C1orf185: variants seen among roughly 807,000 people sequenced by gnomAD.
C1orf185 encodes the protein uncharacterized protein C1orf185.
C1orf185 carries 13 observed loss-of-function variants against 16.1 expected under a neutral mutation model. The observed-to-expected ratio is 0.81, with a 90% confidence interval of 0.53 to 1.28. The LOEUF is 1.28. Among genes scored for constraint, C1orf185 ranks in the 50% most tolerant of loss-of-function variants. C1orf185 has a pLI of 0.00. For missense variants in C1orf185, 220 were observed against 225.2 expected (o/e 0.98, Z 0.15); for synonymous variants, 80 against 76.9 (o/e 1.04, Z -0.21).
At chr1:51,118,280 T>G (rs1440131633) in intron 2 of C1orf185, among the ~76,000 whole-genome samples, 1 of 152,254 alleles carries the variant, frequency 6.6e-6, no homozygotes, top group Non-Finnish European at 1.5e-5. Context: ...TTGCATTTTA[T>G]TTAATTTCCT....
At chr1:51,149,253 T>G (rs1406189506), downstream of C1orf185, among the ~76,000 whole-genome samples, 1 of 152,224 alleles carries the variant, frequency 6.6e-6, no homozygotes, top group African/African-American at 2.4e-5. Context: ...TAAGACCTAT[T>G]CATACCTTCC....
intron 2 of C1orf185, among the ~76,000 whole-genome samples, chr1:51,115,323 A>G (rs12087528): frequency 0.084 from 12,811 of 152,088 alleles, 1,652 homozygotes; most frequent in African/African-American, 0.27. Flanking sequence ...GGGCAACAGA[A>G]CAAGACTCTG....
At chr1:51,136,394 G>A (rs1057181892) in intron 3 of C1orf185, among the ~76,000 whole-genome samples, 7 of 149,908 alleles carry the variant, frequency 4.7e-5, no homozygotes, top group African/African-American at 1.7e-4. Context: ...GGAGTGCAGT[G>A]GTGTGATCTC....
chr1:51,122,577 G>C (rs1026545278), intron 3 of C1orf185, among the ~76,000 whole-genome samples: 1 of 152,166 alleles, frequency 6.6e-6, no homozygotes, highest in African/African-American at 2.4e-5. Flanking sequence ...TGCTACTATT[G>C]ATGAACCCAC....
Position 51,147,582 on chromosome 1 carries a change from A to C in C1orf185, c.411A>C (p.Thr137=), listed in dbSNP as rs531194862. The C allele has an allele frequency of 6.4e-7, 1 of 1,551,604 alleles. No homozygotes were observed. Among genetic ancestry groups the C allele is most frequent in the East Asian group, 2.4e-5 (1 of 40,902 alleles). The part of the protein sequence containing the change: ...NRSSVTLSLS[T]LPSDSYYSQS... Reference sequence around the variant, plus strand: ...GCAGTGTTACATTAAGCTTATCAACATTACCATCTGATTCTTATTACAGCC... The same window carrying C: ...GCAGTGTTACATTAAGCTTATCAACCTTACCATCTGATTCTTATTACAGCC... The change falls in exon 5 of 5, where the codon ACA becomes ACC. Residue 137 remains threonine, a synonymous_variant. Coordinates refer to ENST00000371759, the MANE Select transcript of C1orf185 (RefSeq NM_001136508.2).
chr1:51,136,011 C>A (rs1646321273), intron 3 of C1orf185, among the ~76,000 whole-genome samples: 1 of 152,148 alleles, frequency 6.6e-6, no homozygotes, highest in Non-Finnish European at 1.5e-5. Flanking sequence ...TATACACCAA[C>A]AACAGTCAAG....
At chr1:51,111,371 T>C (rs1646117781) in intron 1 of C1orf185, among the ~76,000 whole-genome samples, 1 of 118,582 alleles carries the variant, frequency 8.4e-6, no homozygotes, top group African/African-American at 3.4e-5. Context: ...GCTTTCTTTC[T>C]TTCTTTTTTT....
intron 3 of C1orf185, among the ~76,000 whole-genome samples, chr1:51,121,635 C>T (rs1646198098): frequency 6.6e-6 from 1 of 152,118 alleles, no homozygotes; most frequent in Non-Finnish European, 1.5e-5. Context: ...TCTGTATTGG[C>T]TTCTTCCTCT....
At chr1:51,117,221 C>A (rs1646164431) in intron 2 of C1orf185, among the ~76,000 whole-genome samples, 1 of 152,048 alleles carries the variant, frequency 6.6e-6, no homozygotes, top group South Asian at 2.1e-4. Flanking sequence ...ATAAGTGAAT[C>A]CTAATTGTTA....
chr1:51,143,004 T>G (rs528873990), intron 3 of C1orf185, among the ~76,000 whole-genome samples: 1 of 152,162 alleles, frequency 6.6e-6, no homozygotes, highest in African/African-American at 2.4e-5. Flanking sequence ...CCTCAGGGGA[T>G]CCACCTGCCT....
At chr1:51,120,257 A>T (rs1646188323) in intron 3 of C1orf185, among the ~76,000 whole-genome samples, 1 of 152,224 alleles carries the variant, frequency 6.6e-6, no homozygotes, top group Admixed American at 6.5e-5. Flanking sequence ...TAGGCCGCAC[A>T]GAACCACTGA....
Position 51,145,865 on chromosome 1 carries a change from G to A in C1orf185, c.295+105G>A, listed in dbSNP as rs1646395503. On this transcript the variant is annotated intron_variant, in intron 4 of 4. Coordinates refer to ENST00000371759, the MANE Select transcript of C1orf185 (RefSeq NM_001136508.2). ...CTAAATGTCATCTAAATATCTTAAT[G>A]GTATGAAACTGTAAGGGAAACATTA... The A allele has an allele frequency of 7.9e-6, 4 of 507,712 alleles. No homozygotes were observed. The South Asian group carries it at 1.4e-4, about 17-fold the overall frequency. The allele number at this position is 507,712 out of a possible 1,614,324, so 31.5% of individuals were successfully genotyped here. A position where few individuals can be genotyped will look rare whatever the true frequency, so the allele number is the denominator to read the frequency against.
At chr1:51,102,609 GTTC>G (rs1375074691) in intron 1 of C1orf185, among the ~76,000 whole-genome samples, 3 of 151,642 alleles carry the variant, frequency 2.0e-5, no homozygotes, top group Non-Finnish European at 2.9e-5. Flanking sequence ...CTGTGATTAT[GTTC>G]TTTCTTCATT....
chr1:51,147,506 CA>C lies in C1orf185; in HGVS notation c.341del (p.Asn114IlefsTer20). ...DHSKDEPQLA[T>X]KNIICDPSET... ...TCTAAAGATGAACCCCAACTTGCAA[CA>C]AAAAATATCATTTGTGATCCCTCAG... On this transcript the variant is annotated frameshift_variant, in exon 5 of 5. Transcript: ENST00000371759. LOFTEE classifies it low-confidence loss of function (END_TRUNC). The C allele has an allele frequency of 6.5e-7, 1 of 1,542,960 alleles. No homozygotes were observed. The highest frequency in any genetic ancestry group is 8.7e-7 in the Non-Finnish European group (1 of 1,144,198).
At chr1:51,139,785 A>C (rs774206286) in intron 3 of C1orf185, among the ~76,000 whole-genome samples, 3 of 152,230 alleles carry the variant, frequency 2.0e-5, no homozygotes, top group Admixed American at 6.5e-5. Flanking sequence ...GTAACACACA[A>C]ACTCAAAATC....
At chr1:51,152,242 G>A (rs953739884), downstream of C1orf185, among the ~76,000 whole-genome samples, 62 of 152,166 alleles carry the variant, frequency 4.1e-4, no homozygotes, top group Non-Finnish European at 3.4e-4. Context: ...GGGCGGAGGA[G>A]TAAGGACAAA....
Position 51,102,257 on chromosome 1 carries a change from A to T in C1orf185, c.16+8A>T, listed in dbSNP as rs1189839830. On this transcript the variant is annotated splice_region_variant and intron_variant, in intron 1 of 4. Transcript: ENST00000371759. ...ATATGGCTTCACCTAAAGGTATGAG[A>T]AGCTGGGTCATGTAGTCTAGCTTTT... 1 of 716,100 alleles carries T rather than the reference A, an allele frequency of 1.4e-6. No individual in the cohort carries two copies. Among genetic ancestry groups the T allele is most frequent in the East Asian group, 2.7e-5 (1 of 37,224 alleles). 44.4% of individuals were successfully genotyped at this position (716,100 alleles called of 1,614,324 possible).
chr1:51,129,057 G>A (rs1287472861), intron 3 of C1orf185, among the ~76,000 whole-genome samples: 2 of 151,744 alleles, frequency 1.3e-5, no homozygotes, highest in Non-Finnish European at 2.9e-5. Context: ...GCTAATTTTT[G>A]TATTTTTAGT....
At chr1:51,128,053 A>G (rs976250259) in intron 3 of C1orf185, among the ~76,000 whole-genome samples, 3 of 151,556 alleles carry the variant, frequency 2.0e-5, no homozygotes, top group African/African-American at 4.8e-5. Context: ...ACGCCCAGCT[A>G]ACTTTTTGTA....
Sources: allele counts gnomAD v4.1 joint callset (sites outside exome capture counted in the v4.1 genomes callset), GRCh38; gene constraint gnomAD v4.1.1; transcripts MANE v1.5; gene names NCBI Gene and HGNC (gene_info 2026-07-23, HGNC 2026-07-21).